Variants in RIF1 observed in about 807,000 individuals in gnomAD.
RIF1 encodes the protein replication timing regulatory factor 1.
A neutral mutation model predicts 247.1 loss-of-function variants in RIF1; 45 were observed. The ratio of observed to expected loss-of-function variants is 0.18; its 90% CI spans 0.14 to 0.23. The LOEUF (loss-of-function observed/expected upper bound fraction) is 0.23, where lower values mean the gene tolerates loss of function less well. RIF1 is among the 10% of genes least tolerant of loss of function. The pLI is 1.00. For missense variants in RIF1, 2,967 were observed against 2,862.5 expected (o/e 1.04, Z -0.83); for synonymous variants, 1,087 against 978.8 (o/e 1.11, Z -2.06).
rs1257396214 is a variant in RIF1 at position 151,435,475 on chromosome 2, C to G, written c.1090C>G (p.Leu364Val). Residue 364 changes from leucine to valine, a missense_variant, in exon 11 of 36, where the codon CTG becomes GTG. Leu to Val is a conservative substitution (Grantham distance 32). Coordinates refer to ENST00000444746, the MANE Select transcript of RIF1 (RefSeq NM_018151.5). ...PANFEQVCVP[L>V]IQSTISIDSN... ...TTTTACCCCATAGGTTTGTGTGCCT[C>G]TGATTCAAAGTACAATAAGCATTGA... 1 of 1,605,922 alleles carries G rather than the reference C, an allele frequency of 6.2e-7. No individual in the cohort carries two copies. Among genetic ancestry groups the G allele is most frequent in the South Asian group, 1.1e-5 (1 of 90,876 alleles).
rs745617835 is a variant in RIF1, at chr2:151,409,999, C to T, written c.-45C>T. On this transcript the variant is annotated 5_prime_UTR_variant, in exon 1 of 36. Coordinates refer to ENST00000444746, the MANE Select transcript of RIF1 (RefSeq NM_018151.5). ...CTGGCAGCGTCTGGGTGCTGAGGGG[C>T]AGAGGCGGAGAGAACCCTGTCCTGA... is the stretch of plus-strand genomic sequence containing the variant. The T allele has an allele frequency of 2.0e-5, 14 of 702,576 alleles. No individual in the cohort carries two copies. The highest frequency in any genetic ancestry group is 3.4e-5 in the Non-Finnish European group (13 of 384,836). The allele number at this position is 702,576 out of a possible 1,614,324, so 43.5% of individuals were successfully genotyped here.
intron 15 of RIF1, among the ~76,000 whole-genome samples, chr2:151,440,541 C>G (rs189921354): frequency 1.3e-5 from 2 of 150,990 alleles, no homozygotes; most frequent in African/African-American, 4.9e-5. Context: ...TTTTTTAAAC[C>G]CGTGTAGTAC....
At position 151,476,601 on chromosome 2, in the gene RIF1, A is replaced by C. The variant is rs2048942103; in HGVS notation, c.*1530A>C. On this transcript the variant is annotated 3_prime_UTR_variant, in exon 36 of 36. Coordinates refer to ENST00000444746, the MANE Select transcript of RIF1 (RefSeq NM_018151.5). ...TTGGTGTCTTTTTTCATCATCATAA[A>C]TTCATCATAATCACAGATATTTTTG... 6.6e-6 allele frequency: 1 copy of C among 152,192 alleles called. No individual in the cohort carries two copies. Among genetic ancestry groups the C allele is most frequent in the Admixed American group, 6.5e-5 (1 of 15,274 alleles). 9.4% of individuals were successfully genotyped at this position (152,192 alleles called of 1,614,324 possible). A position where few individuals can be genotyped will look rare whatever the true frequency, so the allele number is the denominator to read the frequency against.
rs1285705168 is a variant in RIF1 at position 151,450,166 on chromosome 2, T to C, written c.2245-1440T>C. ...CTTTGATGTCCCCCCCTTTTTTTTTTAATAGCACCAGGGAACTTGGAAGGG... is the reference window on the plus strand; with the variant it reads ...CTTTGATGTCCCCCCCTTTTTTTTTCAATAGCACCAGGGAACTTGGAAGGG... On this transcript the variant is annotated intron_variant, in intron 20 of 35. Coordinates refer to ENST00000444746, the MANE Select transcript of RIF1 (RefSeq NM_018151.5). 2.6e-5 allele frequency among the ~76,000 whole-genome samples: 4 copies of C among 152,154 alleles called. No individual in the cohort carries two copies. The South Asian group carries it at 8.3e-4, about 32-fold the overall frequency.
chr2:151,419,774 A>ATGATG (rs1687863919), intron 6 of RIF1, among the ~76,000 whole-genome samples: 1 of 152,218 alleles, frequency 6.6e-6, no homozygotes, highest in Admixed American at 6.5e-5. Flanking sequence ...TACAACAGCT[A>ATGATG]TGATGTCACT....
At chr2:151,531,671 C>G in the RIF1 span, 1 of 757,880 alleles carries the variant, frequency 1.3e-6, no homozygotes, top group Non-Finnish European at 2.3e-6. Context: ...CATCTCGCAC[C>G]CCTGCCTCCC....
chr2:151,471,989 TTCC>T (rs1449383982), intron 34 of RIF1, among the ~76,000 whole-genome samples: 1 of 152,238 alleles, frequency 6.6e-6, no homozygotes, highest in Non-Finnish European at 1.5e-5. Context: ...ATATTGATTC[TTCC>T]TATCCATGAG....
At chr2:151,501,474 T>TAA (rs2153073699) in intron 11 of RIF1, 1 of 1,515,346 alleles carries the variant, frequency 6.6e-7, no homozygotes, top group African/African-American at 1.4e-5. Context: ...AAGTTCTCTT[T>TAA]GTACAATATC....
the RIF1 span, among the ~76,000 whole-genome samples, chr2:151,523,194 T>G: frequency 6.6e-6 from 1 of 152,230 alleles, no homozygotes. Context: ...TTGGTGGTGG[T>G]GATCCCATAT....
At position 151,497,760 on chromosome 2, in the gene RIF1, C is replaced by G. The variant is rs1431207630; in HGVS notation, c.*514-1585C>G. 3.9e-6 allele frequency: 6 copies of G among 1,551,220 alleles called. No individual in the cohort carries two copies. In the East Asian group the frequency reaches 1.2e-4, roughly 31 times the overall value. ...CATCCAGAAAAACAACCATGAGTAA[C>G]ATTTCATTTCTTGGGACTTTTTAAG... On this transcript the variant is annotated intron_variant and NMD_transcript_variant, in intron 10 of 13. Transcript: ENST00000454583.
rs569786483 is a variant in RIF1 at position 151,452,438 on chromosome 2, A to G, written c.2344+733A>G. ...TGAGATATATTATTCTTGTTTAAAG[A>G]TTAGGGACATAAAATTATCTAACAA... On this transcript the variant is annotated intron_variant, in intron 21 of 35. Transcript: ENST00000444746. Among the ~76,000 whole-genome samples, 7 of 152,356 alleles carry G rather than the reference A, an allele frequency of 4.6e-5. No homozygotes were observed. In the South Asian group the frequency reaches 1.4e-3, roughly 32 times the overall value.
intron 3 of RIF1, 103 bp from the exon 4 acceptor site, chr2:151,414,720 G>C (rs1465475608): frequency 1.4e-5 from 10 of 697,838 alleles, no homozygotes; most frequent in Non-Finnish European, 2.2e-5. Flanking sequence ...AGGATTTGTT[G>C]GAGTAACATG....
intron 20 of RIF1, among the ~76,000 whole-genome samples, chr2:151,449,935 G>A (rs755579152): frequency 3.3e-5 from 5 of 149,966 alleles, no homozygotes; most frequent in South Asian, 4.2e-4. Context: ...CTCTGCCTCC[G>A]GGTTCAAGTG....
rs534251600 is a variant in RIF1, at chr2:151,475,914, G to C, written c.*843G>C. Reference sequence around the variant, plus strand: ...TAAATACTGAAATATCAGTATCGACGGTGGAAGTGCTTCATGGGCTTGCTG... The same window carrying C: ...TAAATACTGAAATATCAGTATCGACCGTGGAAGTGCTTCATGGGCTTGCTG... On this transcript the variant is annotated 3_prime_UTR_variant, in exon 36 of 36. Coordinates refer to ENST00000444746, the MANE Select transcript of RIF1 (RefSeq NM_018151.5). 2 of 152,452 alleles carry C rather than the reference G, an allele frequency of 1.3e-5. No homozygotes were observed. The highest frequency in any genetic ancestry group is 2.9e-5 in the Non-Finnish European group (2 of 68,008). 9.4% of individuals were successfully genotyped at this position (152,452 alleles called of 1,614,324 possible). A position where few individuals can be genotyped will look rare whatever the true frequency, so the allele number is the denominator to read the frequency against.
At position 151,465,410 on chromosome 2, in the gene RIF1, G is replaced by A. The variant is rs1361049895; in HGVS notation, c.5890G>A (p.Val1964Ile). ...ADTAKLNAKE[V>I]ATEEFNSDIS... ...CACAGCTAAACTGAATGCCAAAGAA[G>A]TAGCAACTGAGGAATTTAATTCAGA... is the stretch of plus-strand genomic sequence containing the variant. Residue 1964 changes from valine to isoleucine, a missense_variant, in exon 30 of 36, where the codon GTA becomes ATA. By Grantham distance (29) the Val-to-Ile change is conservative. Transcript: ENST00000444746. The A allele has an allele frequency of 2.5e-6, 4 of 1,613,692 alleles. No homozygotes were observed. The Admixed American group carries it at 5.0e-5, about 20-fold the overall frequency.
intron 9 of RIF1, chr2:151,492,830 G>T: frequency 5.2e-6 from 1 of 190,614 alleles, no homozygotes; most frequent in Non-Finnish European, 1.1e-5. Flanking sequence ...GACATTGTAG[G>T]GAATTTGAAA....
intron 10 of RIF1, chr2:151,498,442 A>AAGAG (rs2061835799): frequency 1.2e-6 from 1 of 861,646 alleles, no homozygotes; most frequent in South Asian, 1.8e-5. Context: ...GGAAGGGAGG[A>AAGAG]AGAGAGTAAG....
chr2:151,472,148 C>G (rs1336695691), intron 34 of RIF1, among the ~76,000 whole-genome samples: 1 of 152,082 alleles, frequency 6.6e-6, no homozygotes, highest in Non-Finnish European at 1.5e-5. Flanking sequence ...AATGGGAGTT[C>G]ACTCATGATT....
At chr2:151,468,795 T>A (rs779746759) in intron 33 of RIF1, 39 bp downstream of exon 33, 1 of 1,374,600 alleles carries the variant, frequency 7.3e-7, no homozygotes, top group Admixed American at 1.7e-5. Context: ...TATTCCAAGA[T>A]GCCACTTATT....
Sources: gnomAD v4.1 joint callset for allele counts (sites outside exome capture counted in the v4.1 genomes callset) on GRCh38, gnomAD v4.1.1 for gene constraint, MANE v1.5 for transcripts, NCBI Gene and HGNC (gene_info 2026-07-23, HGNC 2026-07-21) for gene names.